Variants in AGAP1 observed in about 807,000 individuals in gnomAD.
The protein encoded by AGAP1 is ArfGAP with GTPase domain, ankyrin repeat and PH domain 1.
In AGAP1, 29 loss-of-function variants were observed where a neutral mutation model predicts 105.3. The observed-to-expected ratio is 0.28, with a 90% CI of 0.21 to 0.38. The LOEUF is 0.38. Among genes scored for constraint, AGAP1 ranks in the 10% least tolerant of loss-of-function variants. The probability of loss-of-function intolerance (pLI) is 1.00; values close to 1 mark genes in which losing one functional copy is unlikely to be tolerated. For missense variants in AGAP1, 998 were observed against 1,165.1 expected, an observed-to-expected ratio of 0.86 and a Z score of 2.09; for synonymous variants, 509 against 485.9, an observed-to-expected ratio of 1.05 and a Z score of -0.63.
At chr2:236,049,519 C>A in intron 16 of AGAP1, 1 of 455,416 alleles carries the variant, frequency 2.2e-6, no homozygotes, top group Non-Finnish European at 3.9e-6. Flanking sequence ...TCTCCCCCCT[C>A]TTAGAAATGT....
At position 235,853,336 on chromosome 2, in the gene AGAP1, A is replaced by T. The variant is rs182538017; in HGVS notation, c.1051-30009A>T. ...GTGAGGAATTGTTTTAGGAACAGGG[A>T]ATGTTGTGACTTTCTTAGTACTGAG... On this transcript the variant is annotated intron_variant, in intron 9 of 17. Coordinates refer to ENST00000304032, the MANE Select transcript of AGAP1 (RefSeq NM_001037131.3). 130 of 584,118 alleles carry T rather than the reference A, an allele frequency of 2.2e-4. 1 individual carries two copies. The African/African-American group carries it at 2.5e-3, about 11-fold the overall frequency. The allele number at this position is 584,118 out of a possible 1,614,324, so 36.2% of individuals were successfully genotyped here.
At chr2:235,603,831 C>T (rs950317483) in intron 1 of AGAP1, among the ~76,000 whole-genome samples, 1 of 152,084 alleles carries the variant, frequency 6.6e-6, no homozygotes, top group South Asian at 2.1e-4. Context: ...AATTTGAGCA[C>T]TGGAATTCTT....
intron 1 of AGAP1, among the ~76,000 whole-genome samples, chr2:235,587,398 C>T (rs1373595746): frequency 6.6e-6 from 1 of 152,126 alleles, no homozygotes; most frequent in South Asian, 2.1e-4. Flanking sequence ...CTCAGGGCAG[C>T]GGGATGCTCA....
At position 235,631,117 on chromosome 2, in the gene AGAP1, T is replaced by G. The variant is rs1170036591; in HGVS notation, c.164-78062T>G. On this transcript the variant is annotated intron_variant, in intron 1 of 17. Transcript: ENST00000304032. This position sits in a 1 kb window ranked among gnomAD's most constrained non-coding sequence, Gnocchi z 5.4. ...ACTGGTAATGCCTGGATACCAGGGT[T>G]ACACACTCAGGGAAAATCCACAGGA... Among the ~76,000 whole-genome samples, 2 of 152,166 alleles carry G rather than the reference T, an allele frequency of 1.3e-5. No homozygotes were observed. The highest frequency in any genetic ancestry group is 4.8e-5 in the African/African-American group (2 of 41,448).
At chr2:235,819,883 TTTTTTTTTTCTTCTTTCTTTC>T (rs1393598651) in intron 9 of AGAP1, among the ~76,000 whole-genome samples, 1 of 138,450 alleles carries the variant, frequency 7.2e-6, no homozygotes, top group Admixed American at 7.3e-5. Flanking sequence ...GTAAAATGGC[TTTTTTTTTTCTTCTTTCTTTC>T]TTTTTTTTTT....
intron 1 of AGAP1, among the ~76,000 whole-genome samples, chr2:235,585,913 G>A (rs955474706): frequency 6.6e-5 from 10 of 152,062 alleles, no homozygotes; most frequent in Admixed American, 1.3e-4. Flanking sequence ...TTAAAAACCC[G>A]GTGAATCCTG....
chr2:235,649,308 GC>G (rs1424396776), intron 1 of AGAP1, among the ~76,000 whole-genome samples: 6 of 152,156 alleles, frequency 3.9e-5, no homozygotes, highest in Non-Finnish European at 8.8e-5. Context: ...AGATTCCTGG[GC>G]CCTGCCCAAG....
chr2:235,561,986 G>T (rs1259411370), intron 1 of AGAP1, among the ~76,000 whole-genome samples: 1 of 152,140 alleles, frequency 6.6e-6, no homozygotes. Context: ...AAGCAAACCA[G>T]CTCATACCTT....
At chr2:235,538,460 T>C (rs11890767) in intron 1 of AGAP1, among the ~76,000 whole-genome samples, 45 of 150,556 alleles carry the variant, frequency 3.0e-4, no homozygotes, top group African/African-American at 8.5e-4. Flanking sequence ...TGTGTGTGTG[T>C]GCATGCTTGT....
chr2:235,822,587 A>G (rs1432015135), intron 9 of AGAP1, among the ~76,000 whole-genome samples: 1 of 148,636 alleles, frequency 6.7e-6, no homozygotes, highest in Non-Finnish European at 1.5e-5. Flanking sequence ...GGGTGAAGAG[A>G]AGCTGGAGAA....
At chr2:235,702,657 C>T (rs991605070) in intron 1 of AGAP1, among the ~76,000 whole-genome samples, 2 of 152,092 alleles carry the variant, frequency 1.3e-5, no homozygotes, top group African/African-American at 4.8e-5. Context: ...TTTTCATACA[C>T]GTTTATGTGC....
At position 236,109,500 on chromosome 2, in the gene AGAP1, G is replaced by A. The variant is rs986505265; in HGVS notation, c.2115-10692G>A. Among the ~76,000 whole-genome samples, 5 of 152,174 alleles carry A rather than the reference G, an allele frequency of 3.3e-5. No homozygotes were observed. The highest frequency in any genetic ancestry group is 1.9e-4 in the East Asian group (1 of 5,202). On this transcript the variant is annotated intron_variant, in intron 16 of 17. Coordinates refer to ENST00000304032, the MANE Select transcript of AGAP1 (RefSeq NM_001037131.3). This position sits in a 1 kb window ranked among gnomAD's most constrained non-coding sequence, Gnocchi z 5.4. Reference sequence around the variant, plus strand: ...GGAAAAACTGAGATGATCTAGATCCGTGCATCCTCTGTAATGGCAGAAGTG... The same window carrying A: ...GGAAAAACTGAGATGATCTAGATCCATGCATCCTCTGTAATGGCAGAAGTG...
intron 16 of AGAP1, among the ~76,000 whole-genome samples, chr2:236,112,816 A>C (rs1458083322): frequency 6.6e-6 from 1 of 152,232 alleles, no homozygotes; most frequent in Non-Finnish European, 1.5e-5. Context: ...TGGCCCTGCT[A>C]GGTTGCTGGC....
intron 1 of AGAP1, among the ~76,000 whole-genome samples, chr2:235,607,191 C>G (rs1231149663): frequency 2.0e-5 from 3 of 151,952 alleles, no homozygotes; most frequent in South Asian, 4.2e-4. Context: ...CCAGAGCCCC[C>G]CCTTCCCTGC....
rs142196640 is a variant in AGAP1 at position 235,543,842 on chromosome 2, G to A, written c.163+48993G>A. ...ACTGGCCCTAGGGGCTGTACTTTGGGGTATCCAGGGGCAACACGTGCCCTC... is the reference window on the plus strand; with the variant it reads ...ACTGGCCCTAGGGGCTGTACTTTGGAGTATCCAGGGGCAACACGTGCCCTC... On this transcript the variant is annotated intron_variant, in intron 1 of 17. Coordinates refer to ENST00000304032, the MANE Select transcript of AGAP1 (RefSeq NM_001037131.3). 1.3e-4 allele frequency among the ~76,000 whole-genome samples: 20 copies of A among 152,294 alleles called. No homozygotes were observed. In the East Asian group the frequency reaches 3.3e-3, roughly 25 times the overall value.
At chr2:235,925,311 G>A (rs114598926) in intron 11 of AGAP1, among the ~76,000 whole-genome samples, 2,992 of 152,094 alleles carry the variant, frequency 0.02, 64 homozygotes, top group South Asian at 0.092. Flanking sequence ...CATTTCCAAC[G>A]ATGGTGCGCA....
At position 235,927,159 on chromosome 2, in the gene AGAP1, G is replaced by T. The variant is rs1396391647; in HGVS notation, c.1325-3606G>T. Among the ~76,000 whole-genome samples, 1 of 152,164 alleles carries T rather than the reference G, an allele frequency of 6.6e-6. No homozygotes were observed. The highest frequency in any genetic ancestry group is 1.5e-5 in the Non-Finnish European group (1 of 68,040). The stretch of plus-strand genomic sequence containing the variant: ...AGTCCCGCAGTGGGAAGTGGGTGTG[G>T]CTGGGGCTGGGGGGCCTTCACGAGC... On this transcript the variant is annotated intron_variant, in intron 11 of 17. Transcript: ENST00000304032. This position sits in a 1 kb window ranked among gnomAD's most constrained non-coding sequence, Gnocchi z 4.4.
chr2:235,575,285 TTATTTG>T (rs1317627839), intron 1 of AGAP1, among the ~76,000 whole-genome samples: 2 of 152,238 alleles, frequency 1.3e-5, no homozygotes, highest in Admixed American at 6.5e-5. Flanking sequence ...TGTTTGTTGA[TTATTTG>T]TATATGTTTT....
At chr2:235,534,865 G>A (rs1345120479) in intron 1 of AGAP1, among the ~76,000 whole-genome samples, 2 of 152,150 alleles carry the variant, frequency 1.3e-5, no homozygotes, top group East Asian at 1.9e-4. Flanking sequence ...AGGGTATCTC[G>A]TTGTAGCCTC....
Sources: gnomAD v4.1 joint callset for allele counts (sites outside exome capture counted in the v4.1 genomes callset) on GRCh38, gnomAD v4.1.1 for gene constraint, Gnocchi (gnomAD v3.1) non-coding constraint, MANE v1.5 for transcripts, NCBI Gene and HGNC (gene_info 2026-07-23, HGNC 2026-07-21) for gene names.